RANBP10: variants seen among roughly 807,000 people sequenced by gnomAD.
The protein encoded by RANBP10 is RAN binding protein 10, also known as ran-binding protein 10.
A neutral mutation model predicts 72.8 loss-of-function variants in RANBP10; 24 were observed. The observed-to-expected ratio is 0.33, with a 90% CI of 0.24 to 0.46. The LOEUF (loss-of-function observed/expected upper bound fraction) is 0.46. Ranked by LOEUF, RANBP10 falls within the 20% of genes least tolerant of loss-of-function variation. The pLI is 1.00. For missense variants in RANBP10, 679 were observed against 817.5 expected, an observed-to-expected ratio of 0.83 and a Z score of 2.07; for synonymous variants, 310 against 322.3, an observed-to-expected ratio of 0.96 and a Z score of 0.41.
Position 67,806,396 on chromosome 16 carries a change from G to C in RANBP10, c.141C>G (p.Asn47Lys). Residue 47 changes from asparagine (N) to lysine (K), a missense_variant, in exon 1 of 14, where the codon AAC becomes AAG. By Grantham distance (94) the Asn-to-Lys change is moderately conservative. Coordinates refer to ENST00000317506, the MANE Select transcript of RANBP10 (RefSeq NM_020850.3). ...RRLQRLYPAV[N>K]QQETPLPRSW... ...AGCGCGGCAGCGGAGTCTCTTGCTGGTTGACCGCGGGATACAGGCGCTGCA... is the reference window on the plus strand; with the variant it reads ...AGCGCGGCAGCGGAGTCTCTTGCTGCTTGACCGCGGGATACAGGCGCTGCA... 6.2e-7 allele frequency: 1 copy of C among 1,610,362 alleles called. No homozygotes were observed. The highest frequency in any genetic ancestry group is 2.2e-5 in the East Asian group (1 of 44,646).
intron 2 of RANBP10, among the ~76,000 whole-genome samples, chr16:67,801,490 A>C (rs2143023124): frequency 6.6e-6 from 1 of 152,308 alleles, no homozygotes; most frequent in South Asian, 2.1e-4. Context: ...GTAGGCCACC[A>C]AACATCCCAG....
intron 2 of RANBP10, among the ~76,000 whole-genome samples, chr16:67,772,531 T>C (rs992770451): frequency 3.9e-5 from 6 of 152,286 alleles, no homozygotes; most frequent in African/African-American, 1.4e-4. Context: ...TAAAGCCAAG[T>C]TGGATCTACA....
chr16:67,750,742 G>T (rs969339348), intron 3 of RANBP10, among the ~76,000 whole-genome samples: 14 of 151,634 alleles, frequency 9.2e-5, no homozygotes, highest in Non-Finnish European at 2.1e-4. Context: ...TAAGCTGGAA[G>T]GTTTCCTTTT....
At chr16:67,743,453 T>C (rs1018641368) in intron 4 of RANBP10, among the ~76,000 whole-genome samples, 1 of 152,116 alleles carries the variant, frequency 6.6e-6, no homozygotes, top group African/African-American at 2.4e-5. Flanking sequence ...TAGCACCTGG[T>C]AGGCACGGCA....
chr16:67,756,478 T>G (rs1342328624), intron 3 of RANBP10, among the ~76,000 whole-genome samples: 2 of 152,042 alleles, frequency 1.3e-5, no homozygotes, highest in African/African-American at 2.4e-5. Context: ...TCCCAGCACT[T>G]TGGGACGCTG....
At chr16:67,759,194 G>A (rs988826441) in intron 3 of RANBP10, among the ~76,000 whole-genome samples, 3 of 152,190 alleles carry the variant, frequency 2.0e-5, no homozygotes, top group African/African-American at 7.2e-5. Context: ...ACAAGGCCTG[G>A]GACGTCTACT....
rs747186333 is a variant in RANBP10, at chr16:67,726,480, C to T, written c.1811G>A (p.Arg604Gln). The T allele has an allele frequency of 5.6e-6, 9 of 1,604,396 alleles. No individual in the cohort carries two copies. Among genetic ancestry groups the T allele is most frequent in the Admixed American group, 1.7e-5 (1 of 58,506 alleles). Residue 604 changes from arginine (R) to glutamine (Q), a missense_variant, in exon 14 of 14, where the codon CGA becomes CAA. Transcript: ENST00000317506. ...QASECLRLMARAGLGSCSFAR... is the reference protein window; with the variant it reads ...QASECLRLMAQAGLGSCSFAR... The stretch of plus-strand genomic sequence containing the variant: ...AAAGGAGCAAGAACCCAGGCCTGCT[C>T]GGGCCATGAGCCGGAGACACTCAGA...
chr16:67,731,204 A>C, intron 7 of RANBP10: 2 of 380,492 alleles, frequency 5.3e-6, no homozygotes, highest in Non-Finnish European at 9.7e-6. Flanking sequence ...AAATGGAGGA[A>C]TGGAACCAGC....
rs368209350 is a variant in RANBP10 at position 67,730,020 on chromosome 16, G to A, written c.916C>T (p.Arg306Cys). The A allele has an allele frequency of 2.1e-5, 34 of 1,612,882 alleles. No homozygotes were observed. Among genetic ancestry groups the A allele is most frequent in the East Asian group, 6.7e-5 (3 of 44,884 alleles). The change falls in exon 8 of 14, where the codon CGT becomes TGT. Residue 306 changes from arginine (R) to cysteine (C), a missense_variant. By Grantham distance (180) the Arg-to-Cys change is radical (BLOSUM62 -3). Transcript: ENST00000317506. This position sits in a 1 kb window ranked among gnomAD's most constrained non-coding sequence, Gnocchi z 4.3. ...QKIQKLVLEG[R>C]VGEAIETTQR... ...GTGGTCTCGATGGCCTCGCCCACAC[G>A]GCCCTCCAGCACCAGCTTCTGGATC...
Position 67,806,515 on chromosome 16 carries a change from G to A in RANBP10, c.22C>T (p.Pro8Ser), listed in dbSNP as rs1394518576. The A allele has an allele frequency of 2.0e-6, 3 of 1,517,986 alleles. No individual in the cohort carries two copies. The highest frequency in any genetic ancestry group is 1.4e-5 in the African/African-American group (1 of 71,790). 94.0% of individuals were successfully genotyped at this position (1,517,986 alleles called of 1,614,324 possible). A position where few individuals can be genotyped will look rare whatever the true frequency, so the allele number is the denominator to read the frequency against. ...CCAGGCTGCGGGTTCCCAGCTCCCG[G>A]GTCTGCCGTCGCTGCCGCCATCTTG... MAAATAD[P>S]GAGNPQPGDS... Residue 8 changes from proline (P) to serine (S), a missense_variant, in exon 1 of 14, where the codon CCG becomes TCG. By Grantham distance (74) the Pro-to-Ser change is moderately conservative. Transcript: ENST00000317506.
In RANBP10 at chr16:67,735,007, A is replaced by G. The variant is rs752360019; in HGVS notation, c.627T>C (p.Pro209=). 6 of 1,612,358 alleles carry G rather than the reference A, an allele frequency of 3.7e-6. No homozygotes were observed. The highest frequency in any genetic ancestry group is 5.1e-6 in the Non-Finnish European group (6 of 1,179,010). ...NLYPTVGLQT[P]GEIVDANFGQ... ...CAAAGTTGGCGTCCACAATCTCCCC[A>G]GGTGTCTGCAGGCCTACGGTGGGGT... is the stretch of plus-strand genomic sequence containing the variant. The change falls in exon 6 of 14, where the codon CCT becomes CCC. Residue 209 remains proline, a synonymous_variant. Transcript: ENST00000317506.
At chr16:67,772,116 A>C in intron 2 of RANBP10, 30 bp from the exon 3 acceptor site, 1 of 1,586,880 alleles carries the variant, frequency 6.3e-7, no homozygotes, top group Non-Finnish European at 8.5e-7. Flanking sequence ...AAAAACACAA[A>C]ATTTTTGGTT....
At chr16:67,763,844 G>A (rs1567695966) in intron 3 of RANBP10, among the ~76,000 whole-genome samples, 2 of 152,134 alleles carry the variant, frequency 1.3e-5, no homozygotes, top group South Asian at 2.1e-4. Context: ...GTAGGCGCAC[G>A]CCACCACGCC....
chr16:67,784,186 T>A (rs1266921133), intron 2 of RANBP10, among the ~76,000 whole-genome samples: 1 of 152,106 alleles, frequency 6.6e-6, no homozygotes, highest in Non-Finnish European at 1.5e-5. Flanking sequence ...CACAACCTAA[T>A]GGGATTTATC....
At chr16:67,735,494 C>T (rs558529459) in intron 5 of RANBP10, among the ~76,000 whole-genome samples, 1 of 152,294 alleles carries the variant, frequency 6.6e-6, no homozygotes, top group South Asian at 2.1e-4. Flanking sequence ...GTGGCTCATG[C>T]CTGTAATCCC....
chr16:67,752,086 C>T (rs1444896049), intron 3 of RANBP10, among the ~76,000 whole-genome samples: 3 of 152,016 alleles, frequency 2.0e-5, no homozygotes, highest in Non-Finnish European at 4.4e-5. Flanking sequence ...TCAATTTTTA[C>T]AGATTTTCCC....
At chr16:67,784,787 C>A (rs937886234) in intron 2 of RANBP10, among the ~76,000 whole-genome samples, 1 of 151,428 alleles carries the variant, frequency 6.6e-6, no homozygotes. Context: ...CCATTGCACT[C>A]CAGCCTGGGT....
chr16:67,780,193 T>C (rs529810352), intron 2 of RANBP10, among the ~76,000 whole-genome samples: 1 of 151,982 alleles, frequency 6.6e-6, no homozygotes, highest in East Asian at 1.9e-4. Flanking sequence ...GATTGCGCCA[T>C]TGCACTCCAG....
chr16:67,754,872 G>C (rs1170226523), intron 3 of RANBP10, among the ~76,000 whole-genome samples: 3 of 152,220 alleles, frequency 2.0e-5, no homozygotes, highest in African/African-American at 7.2e-5. Context: ...AGAGAAGAGG[G>C]AGTAGGCATG....
Sources: gnomAD v4.1 joint callset for allele counts (sites outside exome capture counted in the v4.1 genomes callset) on GRCh38, gnomAD v4.1.1 for gene constraint, Gnocchi (gnomAD v3.1) non-coding constraint, MANE v1.5 for transcripts, NCBI Gene and HGNC (gene_info 2026-07-23, HGNC 2026-07-21) for gene names.